FHIT: variants seen among roughly 807,000 people sequenced by gnomAD.
FHIT encodes fragile histidine triad diadenosine triphosphatase.
FHIT carries 19 observed loss-of-function variants against 17.9 expected under a neutral mutation model. That is an observed-to-expected ratio of 1.06 (90% CI 0.74 to 1.56). FHIT has a LOEUF of 1.56. FHIT is among the 40% of genes most tolerant of loss of function. The pLI is 0.00. For missense variants in FHIT, 248 were observed against 189.2 expected, an observed-to-expected ratio of 1.31 and a Z score of -1.82; for synonymous variants, 81 against 69.7, an observed-to-expected ratio of 1.16 and a Z score of -0.81.
chr3:60,048,445 G>C (rs6779716), intron 5 of FHIT, among the ~76,000 whole-genome samples: 14,181 of 152,192 alleles, frequency 0.093, 752 homozygotes, highest in Non-Finnish European at 0.11. Flanking sequence ...CAGAGTGCTG[G>C]GATTACAGGC....
intron 8 of FHIT, among the ~76,000 whole-genome samples, chr3:59,856,427 A>G (rs1702159747): frequency 1.3e-5 from 2 of 152,232 alleles, no homozygotes; most frequent in South Asian, 4.1e-4. Flanking sequence ...TCCATATGAT[A>G]GAAAAAAAGA....
chr3:59,893,772 C>T (rs1703952255), intron 8 of FHIT, among the ~76,000 whole-genome samples: 1 of 152,210 alleles, frequency 6.6e-6, no homozygotes, highest in South Asian at 2.1e-4. Flanking sequence ...TCCACAGCAG[C>T]CCCATGATCC....
intron 4 of FHIT, among the ~76,000 whole-genome samples, chr3:60,767,866 A>G (rs1559706773): frequency 6.6e-6 from 1 of 152,186 alleles, no homozygotes. Flanking sequence ...TGTTTTATCC[A>G]CTGTCTATTA....
chr3:60,356,358 A>T (rs554404936), intron 5 of FHIT, among the ~76,000 whole-genome samples: 1 of 152,322 alleles, frequency 6.6e-6, no homozygotes. Context: ...CAAAACCAAC[A>T]ATGAGGAAGA....
intron 5 of FHIT, among the ~76,000 whole-genome samples, chr3:60,195,553 A>ATAGATATATATATATATATATT (rs1553709027): frequency 1.5e-5 from 2 of 136,508 alleles, no homozygotes; most frequent in Non-Finnish European, 3.1e-5. Flanking sequence ...TGTGATATAT[A>ATAGATATATATATATATATATT]TATATATTTA....
intron 3 of FHIT, among the ~76,000 whole-genome samples, chr3:60,995,209 A>G (rs2030572226): frequency 6.6e-6 from 1 of 151,936 alleles, no homozygotes; most frequent in African/African-American, 2.4e-5. Context: ...AGTCCCAGCT[A>G]CTCGGGAGGC....
At chr3:60,982,602 A>G (rs1194780444) in intron 3 of FHIT, among the ~76,000 whole-genome samples, 5 of 152,108 alleles carry the variant, frequency 3.3e-5, no homozygotes, top group African/African-American at 9.7e-5. Flanking sequence ...CCGTTTGTAC[A>G]GAAAGGCCTT....
chr3:61,113,767 G>C (rs1343374831), intron 2 of FHIT, among the ~76,000 whole-genome samples: 1 of 152,096 alleles, frequency 6.6e-6, no homozygotes, highest in Non-Finnish European at 1.5e-5. Flanking sequence ...ATATACAGCG[G>C]ATGCTCGATA....
At chr3:60,676,814 C>A (rs551993455) in intron 4 of FHIT, among the ~76,000 whole-genome samples, 19 of 152,232 alleles carry the variant, frequency 1.2e-4, no homozygotes, top group African/African-American at 4.6e-4. Context: ...CACAAGAACT[C>A]ATTTTTTTTA....
intron 2 of FHIT, among the ~76,000 whole-genome samples, chr3:61,094,747 T>C (rs1247839411): frequency 6.6e-6 from 1 of 152,180 alleles, no homozygotes; most frequent in Admixed American, 6.5e-5. Flanking sequence ...CATGATACCA[T>C]GACAGTTGAT....
At chr3:60,708,079 T>C (rs2107926780) in intron 4 of FHIT, among the ~76,000 whole-genome samples, 1 of 152,322 alleles carries the variant, frequency 6.6e-6, no homozygotes, top group East Asian at 1.9e-4. Flanking sequence ...TCACATTCTG[T>C]TTATTTCTTA....
chr3:60,940,505 C>T (rs892438119), intron 3 of FHIT, among the ~76,000 whole-genome samples: 12 of 152,138 alleles, frequency 7.9e-5, no homozygotes, highest in Non-Finnish European at 1.3e-4. Flanking sequence ...GGGTTCTGTA[C>T]TATAGTTTTT....
intron 2 of FHIT, among the ~76,000 whole-genome samples, chr3:61,160,604 A>C (rs929277540): frequency 2.0e-5 from 3 of 152,180 alleles, no homozygotes; most frequent in African/African-American, 7.2e-5. Flanking sequence ...AGGAAGAAAA[A>C]TAATGGTAGT....
At chr3:60,469,292 G>T (rs1216150159) in intron 5 of FHIT, among the ~76,000 whole-genome samples, 1 of 151,866 alleles carries the variant, frequency 6.6e-6, no homozygotes, top group African/African-American at 2.4e-5. Flanking sequence ...CTCTTAGATT[G>T]CCCTTTTGAG....
intron 5 of FHIT, among the ~76,000 whole-genome samples, chr3:60,337,125 C>T (rs180882329): frequency 6.6e-6 from 1 of 152,212 alleles, no homozygotes; most frequent in East Asian, 1.9e-4. Flanking sequence ...TATTCTTGGG[C>T]TAAGTTCACA....
chr3:60,969,697 T>C lies in FHIT; in HGVS notation c.-111+72350A>G, dbSNP rs557118724. On this transcript the variant is annotated intron_variant, in intron 3 of 9. Transcript: ENST00000492590. ...ACTACTGTGAACAGAAGATAAACTC[T>C]ATGGTTTAAAGCCTTTGACATTTGT... Among the ~76,000 whole-genome samples the C allele has an allele frequency of 5.3e-5, 8 of 152,330 alleles. No homozygotes were observed. The South Asian group carries it at 1.4e-3, about 28-fold the overall frequency.
At chr3:60,454,971 G>A (rs1026278492) in intron 5 of FHIT, among the ~76,000 whole-genome samples, 3 of 152,078 alleles carry the variant, frequency 2.0e-5, no homozygotes, top group East Asian at 3.9e-4. Flanking sequence ...CTATCAAACA[G>A]CAGAGCTCTG....
At chr3:61,177,099 C>T (rs1213470435) in intron 2 of FHIT, among the ~76,000 whole-genome samples, 6 of 151,728 alleles carry the variant, frequency 4.0e-5, no homozygotes, top group Non-Finnish European at 5.9e-5. Flanking sequence ...ATGGTGTGAA[C>T]CTGGGAGGCG....
At chr3:60,458,924 C>T (rs1219320258) in intron 5 of FHIT, among the ~76,000 whole-genome samples, 8 of 150,414 alleles carry the variant, frequency 5.3e-5, no homozygotes, top group African/African-American at 1.7e-4. Flanking sequence ...TACAAATGTA[C>T]ACCACCACAC....
Sources: gnomAD v4.1 joint callset for allele counts (sites outside exome capture counted in the v4.1 genomes callset) on GRCh38, gnomAD v4.1.1 for gene constraint, MANE v1.5 for transcripts, NCBI Gene and HGNC (gene_info 2026-07-23, HGNC 2026-07-21) for gene names.